Variants in DOHH observed in about 807,000 individuals in gnomAD.
DOHH encodes the protein HEAT-like (PBS lyase) repeat containing 1.
DOHH carries 16 observed loss-of-function variants against 19.9 expected under a neutral mutation model. That is an observed-to-expected ratio of 0.80 (90% CI 0.54 to 1.22). The LOEUF is 1.22. DOHH is among the 50% of genes most tolerant of loss of function. The probability of loss-of-function intolerance (pLI) is 0.00; values close to 1 mark genes in which losing one functional copy is unlikely to be tolerated. For missense variants in DOHH, 460 were observed against 460.6 expected (o/e 1.00, Z 0.01); for synonymous variants, 233 against 217.0 (o/e 1.07, Z -0.65).
rs984140655 is a variant in DOHH, at chr19:3,496,383, G to A, written c.274+158C>T. ...TGACCTGCGCTGGCTTTATTGAGTCGCTGTCTGGCTGCAGAGCTGCAGGTA... is the reference window on the plus strand; with the variant it reads ...TGACCTGCGCTGGCTTTATTGAGTCACTGTCTGGCTGCAGAGCTGCAGGTA... On this transcript the variant is annotated intron_variant, in intron 2 of 4. Coordinates refer to ENST00000427575, the MANE Select transcript of DOHH (RefSeq NM_001145165.2). The surrounding 1 kb of genome is among the most constrained non-coding windows in gnomAD (Gnocchi z 4.8). Among the ~76,000 whole-genome samples the A allele has an allele frequency of 2.6e-5, 4 of 152,186 alleles. No individual in the cohort carries two copies. The highest frequency in any genetic ancestry group is 4.8e-5 in the African/African-American group (2 of 41,434).
chr19:3,496,456 C>T lies in DOHH; in HGVS notation c.274+85G>A. 6.5e-7 allele frequency: 1 copy of T among 1,534,400 alleles called. No homozygotes were observed. Among genetic ancestry groups the T allele is most frequent in the Non-Finnish European group, 8.8e-7 (1 of 1,139,348 alleles). On this transcript the variant is annotated intron_variant, in intron 2 of 4. Transcript: ENST00000427575. This position sits in a 1 kb window ranked among gnomAD's most constrained non-coding sequence, Gnocchi z 4.8. ...GGCAGTTGACCACTCTGATATTTAT[C>T]ACCTGAGTGAGGAAGGGGACACGTG...
chr19:3,493,182 C>T (rs1307027105), intron 3 of DOHH, among the ~76,000 whole-genome samples: 5 of 152,246 alleles, frequency 3.3e-5, no homozygotes, highest in Non-Finnish European at 5.9e-5. Flanking sequence ...CCGGCCGAAG[C>T]GGCTCATGCC....
intron 3 of DOHH, among the ~76,000 whole-genome samples, chr19:3,492,773 C>A (rs947178507): frequency 2.0e-5 from 3 of 152,128 alleles, no homozygotes; most frequent in African/African-American, 4.8e-5. Context: ...GATGGGGAAG[C>A]AGCGGTGGAA....
At chr19:3,494,655 G>T (rs1336836477) in intron 2 of DOHH, among the ~76,000 whole-genome samples, 2 of 152,212 alleles carry the variant, frequency 1.3e-5, no homozygotes, top group African/African-American at 4.8e-5. Context: ...AAGGCTGGCG[G>T]CGGCTCCCCG....
chr19:3,493,838 G>C, intron 3 of DOHH, among the ~76,000 whole-genome samples, 190 bp downstream of exon 3: 1 of 152,166 alleles, frequency 6.6e-6, no homozygotes, highest in Admixed American at 6.5e-5. Context: ...GCCAAATGGG[G>C]CGCAGCAAGT....
chr19:3,491,488 G>A lies in DOHH; in HGVS notation c.*4C>T. 1 of 1,531,854 alleles carries A rather than the reference G, an allele frequency of 6.5e-7. No individual in the cohort carries two copies. Among genetic ancestry groups the A allele is most frequent in the Non-Finnish European group, 8.7e-7 (1 of 1,145,660 alleles). 94.9% of individuals were successfully genotyped at this position (1,531,854 alleles called of 1,614,324 possible). ...CTCCGGGAGCTCCGGGTGAGGGTGGGGCCCTAGGAGGGGGCCCCGCGCAGC... is the reference window on the plus strand; with the variant it reads ...CTCCGGGAGCTCCGGGTGAGGGTGGAGCCCTAGGAGGGGGCCCCGCGCAGC... On this transcript the variant is annotated 3_prime_UTR_variant, in exon 5 of 5. Coordinates refer to ENST00000427575, the MANE Select transcript of DOHH (RefSeq NM_001145165.2). This position sits in a 1 kb window ranked among gnomAD's most constrained non-coding sequence, Gnocchi z 5.6.
At chr19:3,497,032 G>T (rs1349370151) in intron 1 of DOHH, 146 bp from the exon 2 acceptor site, 6 of 499,638 alleles carry the variant, frequency 1.2e-5, no homozygotes, top group Non-Finnish European at 1.9e-5. Context: ...CCTACTAGCT[G>T]TGCAGCCTTC....
At chr19:3,495,438 G>A (rs1203865071) in intron 2 of DOHH, among the ~76,000 whole-genome samples, 1 of 152,178 alleles carries the variant, frequency 6.6e-6, no homozygotes, top group Admixed American at 6.5e-5. Flanking sequence ...CACGATGCCC[G>A]GCTTGTATCT....
intron 3 of DOHH, among the ~76,000 whole-genome samples, chr19:3,493,708 G>A (rs1410721101): frequency 6.6e-6 from 1 of 152,166 alleles, no homozygotes; most frequent in Non-Finnish European, 1.5e-5. Flanking sequence ...CACTGGGTGG[G>A]TTCAGAGGGG....
At chr19:3,492,165 T>C in intron 4 of DOHH, 97 bp downstream of exon 4, 1 of 1,158,118 alleles carries the variant, frequency 8.6e-7, no homozygotes, top group African/African-American at 1.6e-5. Flanking sequence ...CGGGATGCCG[T>C]TCCCGGGGGC....
intron 1 of DOHH, among the ~76,000 whole-genome samples, chr19:3,498,961 C>CT (rs1193236019): frequency 6.6e-6 from 1 of 152,192 alleles, no homozygotes; most frequent in Non-Finnish European, 1.5e-5. Context: ...AAGTTAGTCA[C>CT]TTTAAGTCTT....
chr19:3,493,221 G>T (rs543901979), intron 3 of DOHH, among the ~76,000 whole-genome samples: 34 of 152,376 alleles, frequency 2.2e-4, no homozygotes, highest in African/African-American at 7.5e-4. Flanking sequence ...GGAGACCAAG[G>T]CAGGAGGATC....
chr19:3,495,527 G>A (rs538780611), intron 2 of DOHH, among the ~76,000 whole-genome samples: 4 of 152,378 alleles, frequency 2.6e-5, no homozygotes, highest in South Asian at 2.1e-4. Context: ...TGTCCAATGA[G>A]TGGAGTAAAT....
chr19:3,492,305 C>T lies in DOHH; in HGVS notation c.546G>A (p.Leu182=). The T allele has an allele frequency of 1.3e-6, 2 of 1,529,004 alleles. No homozygotes were observed. Among genetic ancestry groups the T allele is most frequent in the South Asian group, 2.4e-5 (2 of 82,128 alleles). 94.7% of individuals were successfully genotyped at this position (1,529,004 alleles called of 1,614,324 possible). ...CGGCCTCCTCGCCTCCCGCGTTGCG[C>T]AGGGCGAACATGGCGCGGTATCGCT... is the stretch of plus-strand genomic sequence containing the variant. ...LFERYRAMFA[L]RNAGGEEAAL... Residue 182 remains leucine (L), a synonymous_variant, in exon 4 of 5, where the codon CTG becomes CTA. Coordinates refer to ENST00000427575, the MANE Select transcript of DOHH (RefSeq NM_001145165.2).
At position 3,491,696 on chromosome 19, in the gene DOHH, G is replaced by T; in HGVS notation, c.705C>A (p.Asn235Lys). The T allele has an allele frequency of 6.5e-7, 1 of 1,527,386 alleles. No homozygotes were observed. The allele number at this position is 1,527,386 out of a possible 1,614,324, so 94.6% of individuals were successfully genotyped here. ...CCGCGCACTCGTGCCGCACCATGGG[G>T]TTCTCGGTGCATCGGGCCAGGGCGG... ...LAAALARCTE[N>K]PMVRHECAEA... The change falls in exon 5 of 5, where the codon AAC becomes AAA. Residue 235 changes from asparagine to lysine, a missense_variant. Coordinates refer to ENST00000427575, the MANE Select transcript of DOHH (RefSeq NM_001145165.2). This position sits in a 1 kb window ranked among gnomAD's most constrained non-coding sequence, Gnocchi z 5.6.
Position 3,496,723 on chromosome 19 carries a change from A to G in DOHH, c.92T>C (p.Leu31Pro). ...LQARFRALFT[L>P]RGLGGPGAIA... ...GGCGCCTGGGCCGCCGAGCCCACGCAGCGTGAACAGCGCCCGGAAGCGGGC... is the reference window on the plus strand; with the variant it reads ...GGCGCCTGGGCCGCCGAGCCCACGCGGCGTGAACAGCGCCCGGAAGCGGGC... The change falls in exon 2 of 5, where the codon CTG (leucine) becomes CCG (proline). Residue 31 changes from leucine to proline, a missense_variant. Physicochemically the swap from Leu to Pro is moderately conservative, Grantham distance 98. Transcript: ENST00000427575. The surrounding 1 kb of genome is among the most constrained non-coding windows in gnomAD (Gnocchi z 4.8). 10 of 1,612,526 alleles carry G rather than the reference A, an allele frequency of 6.2e-6. No individual in the cohort carries two copies. Among genetic ancestry groups the G allele is most frequent in the South Asian group, 2.2e-5 (2 of 91,034 alleles).
At chr19:3,498,030 G>A (rs1175648473) in intron 1 of DOHH, among the ~76,000 whole-genome samples, 1 of 152,098 alleles carries the variant, frequency 6.6e-6, no homozygotes, top group Non-Finnish European at 1.5e-5. Flanking sequence ...ATCCTCCTAT[G>A]CCTCCTCACT....
chr19:3,492,273 G>T lies in DOHH; in HGVS notation c.578C>A (p.Ala193Glu). 6.7e-7 allele frequency: 1 copy of T among 1,483,910 alleles called. No homozygotes were observed. Among genetic ancestry groups the T allele is most frequent in the South Asian group, 1.4e-5 (1 of 73,526 alleles). The allele number at this position is 1,483,910 out of a possible 1,614,324, so 91.9% of individuals were successfully genotyped here. The change falls in exon 4 of 5, where the codon GCG (alanine) becomes GAG (glutamate). Residue 193 changes from alanine (A) to glutamate (E), a missense_variant. Coordinates refer to ENST00000427575, the MANE Select transcript of DOHH (RefSeq NM_001145165.2). ...AAGCCCCTCCTCACCCTCGGCCAGC[G>T]CCAGGGCGGCCTCCTCGCCTCCCGC... ...RNAGGEEAAL[A>E]LAEGLHCGSA...
rs574729672 is a variant in DOHH at position 3,496,932 on chromosome 19, G to A, written c.-72-46C>T. On this transcript the variant is annotated intron_variant, in intron 1 of 4. Coordinates refer to ENST00000427575, the MANE Select transcript of DOHH (RefSeq NM_001145165.2). This position sits in a 1 kb window ranked among gnomAD's most constrained non-coding sequence, Gnocchi z 4.8. Reference sequence around the variant, plus strand: ...CCCAGGTTAGAAGCCCCCTTCACCAGTGCGTTGTCTGTTCCTAGGACCTGG... The same window carrying A: ...CCCAGGTTAGAAGCCCCCTTCACCAATGCGTTGTCTGTTCCTAGGACCTGG... The A allele has an allele frequency of 5.4e-6, 7 of 1,286,368 alleles. No homozygotes were observed. In the South Asian group the frequency reaches 7.1e-5, roughly 13 times the overall value. The allele number at this position is 1,286,368 out of a possible 1,614,324, so 79.7% of individuals were successfully genotyped here. A position where few individuals can be genotyped will look rare whatever the true frequency, so the allele number is the denominator to read the frequency against.
Sources: gnomAD v4.1 joint callset for allele counts (sites outside exome capture counted in the v4.1 genomes callset) on GRCh38, gnomAD v4.1.1 for gene constraint, Gnocchi (gnomAD v3.1) non-coding constraint, MANE v1.5 for transcripts, NCBI Gene and HGNC (gene_info 2026-07-23, HGNC 2026-07-21) for gene names.